The following UGT3A1 variants were observed in gnomAD, a reference collection of about 807,000 sequenced individuals.
UGT3A1 encodes UDP glycosyltransferase family 3 member A1, also known as UDP-glycosyltransferase 3A1.
In UGT3A1, 40 loss-of-function variants were observed where a neutral mutation model predicts 37.6. That is an observed-to-expected ratio of 1.06 (90% CI 0.83 to 1.38). The LOEUF (loss-of-function observed/expected upper bound fraction) is 1.38. UGT3A1 is among the 40% of genes most tolerant of loss of function. The pLI, the probability that UGT3A1 is intolerant of heterozygous loss-of-function variation, is 0.00. For synonymous variants in UGT3A1, 256 were observed against 232.3 expected (o/e 1.10, Z -0.93); for missense variants, 642 against 634.2 (o/e 1.01, Z -0.13).
intron 2 of UGT3A1, among the ~76,000 whole-genome samples, chr5:35,980,037 A>G (rs1445895): frequency 0.51 from 77,951 of 152,120 alleles, 22,800 homozygotes; most frequent in Non-Finnish European, 0.66. Context: ...TCCACAACAT[A>G]TGGGAATTCA....
rs541198390 is a variant in UGT3A1, at chr5:35,988,166, G to A, written c.196+284C>T. On this transcript the variant is annotated intron_variant, in intron 2 of 6. Coordinates refer to ENST00000274278, the MANE Select transcript of UGT3A1 (RefSeq NM_152404.4). The stretch of plus-strand genomic sequence containing the variant: ...AAAAAACTTTAAGCCATACCATTGT[G>A]TAGTATTCCTCAAAATAATTAATAA... 3.3e-5 allele frequency among the ~76,000 whole-genome samples: 5 copies of A among 152,308 alleles called. No individual in the cohort carries two copies. In the South Asian group the frequency reaches 1.0e-3, roughly 32 times the overall value.
chr5:35,964,786 T>C (rs985223012), intron 4 of UGT3A1, among the ~76,000 whole-genome samples: 1 of 152,222 alleles, frequency 6.6e-6, no homozygotes, highest in African/African-American at 2.4e-5. Flanking sequence ...AAATCTTCTA[T>C]AGCAGTGGTT....
rs1333842223 is a variant in UGT3A1, at chr5:35,953,322, A to T, written c.*880T>A. The T allele has an allele frequency of 6.6e-6, 1 of 152,408 alleles. No individual in the cohort carries two copies. The highest frequency in any genetic ancestry group is 2.4e-5 in the African/African-American group (1 of 41,472). The allele number at this position is 152,408 out of a possible 1,614,324, so 9.4% of individuals were successfully genotyped here. ...CTACCTTCGGGCTTTATCAAGAAAG[A>T]TGAAACAAATGAACAAAAACTCTGG... On this transcript the variant is annotated 3_prime_UTR_variant, in exon 7 of 7. Coordinates refer to ENST00000274278, the MANE Select transcript of UGT3A1 (RefSeq NM_152404.4).
In UGT3A1 at chr5:35,970,418, G is replaced by A. The variant is rs576445408; in HGVS notation, c.197-2285C>T. ...AAAAAAAAAAAAGCCATCAGATCTC[G>A]TAAGACTTATTCCCTATCACAAGAA... On this transcript the variant is annotated intron_variant, in intron 2 of 6. Coordinates refer to ENST00000274278, the MANE Select transcript of UGT3A1 (RefSeq NM_152404.4). Among the ~76,000 whole-genome samples the A allele has an allele frequency of 1.3e-3, 194 of 149,256 alleles. 1 individual carries two copies. The highest frequency in any genetic ancestry group is 1.8e-3 in the African/African-American group (73 of 40,714).
Position 35,988,552 on chromosome 5 carries a change from C to T in UGT3A1, c.95-1G>A. The T allele has an allele frequency of 6.2e-7, 1 of 1,607,154 alleles. No homozygotes were observed. Among genetic ancestry groups the T allele is most frequent in the Non-Finnish European group, 8.5e-7 (1 of 1,175,684 alleles). The stretch of plus-strand genomic sequence containing the variant: ...TCCAACAGTAGGTAATGGCTTCCAC[C>T]TAGAAACAATGCACAATGTCTTTTG... On this transcript the variant is annotated splice_acceptor_variant, in intron 1 of 6. Coordinates refer to ENST00000274278, the MANE Select transcript of UGT3A1 (RefSeq NM_152404.4). LOFTEE classifies it high-confidence loss of function.
At chr5:35,955,467 C>T (rs1739315216) in intron 6 of UGT3A1, 178 bp downstream of exon 6, 1 of 701,260 alleles carries the variant, frequency 1.4e-6, no homozygotes, top group Non-Finnish European at 2.4e-6. Flanking sequence ...CAGCATCTAA[C>T]CTAAATTAGT....
At position 35,968,049 on chromosome 5, in the gene UGT3A1, T is replaced by G; in HGVS notation, c.281A>C (p.Asp94Ala). 1 of 1,612,890 alleles carries G rather than the reference T, an allele frequency of 6.2e-7. No individual in the cohort carries two copies. The highest frequency in any genetic ancestry group is 1.1e-5 in the South Asian group (1 of 91,022). The change falls in exon 3 of 7, where the codon GAT becomes GCT. Residue 94 changes from aspartate to alanine, a missense_variant. Asp to Ala is a moderately radical substitution (Grantham distance 126). Coordinates refer to ENST00000274278, the MANE Select transcript of UGT3A1 (RefSeq NM_152404.4). ...ATCCAATGCTGTTTCTATGTAGCTA[T>G]CAAAATGCTTCTTAATTCTTTTTTG... ...DHQKRIKKHF[D>A]SYIETALDGR...
upstream of UGT3A1, among the ~76,000 whole-genome samples, chr5:35,992,157 C>A (rs1341041064): frequency 6.6e-6 from 1 of 152,204 alleles, no homozygotes; most frequent in African/African-American, 2.4e-5. Flanking sequence ...TATCTACCGG[C>A]TGTAATAGGC....
intron 2 of UGT3A1, among the ~76,000 whole-genome samples, chr5:35,982,981 T>C (rs1056730075): frequency 6.6e-6 from 1 of 152,160 alleles, no homozygotes; most frequent in Non-Finnish European, 1.5e-5. Context: ...TCCACCCTGG[T>C]AAGATGTGCT....
chr5:35,999,335 A>C (rs544081925), intron 1 of UGT3A1, among the ~76,000 whole-genome samples: 11 of 152,246 alleles, frequency 7.2e-5, no homozygotes, highest in Admixed American at 2.0e-4. Flanking sequence ...GTCACTCAAA[A>C]CTAGACTCCA....
intron 2 of UGT3A1, among the ~76,000 whole-genome samples, chr5:35,982,658 T>C (rs950288340): frequency 3.3e-5 from 5 of 152,242 alleles, no homozygotes; most frequent in African/African-American, 9.6e-5. Flanking sequence ...TTTGGACTTG[T>C]ACTTTTGAAT....
At chr5:35,955,016 G>C (rs1328661188) in intron 6 of UGT3A1, 2 of 159,320 alleles carry the variant, frequency 1.3e-5, no homozygotes, top group African/African-American at 4.8e-5. Flanking sequence ...AAAAGAGAGA[G>C]ACATTGCTGT....
At chr5:35,987,045 G>A (rs1438671163) in intron 2 of UGT3A1, among the ~76,000 whole-genome samples, 5 of 152,018 alleles carry the variant, frequency 3.3e-5, no homozygotes, top group African/African-American at 1.2e-4. Context: ...TATCCTATAC[G>A]TGAGATTTCA....
chr5:35,974,813 G>A (rs1247168759), intron 2 of UGT3A1, among the ~76,000 whole-genome samples: 1 of 152,094 alleles, frequency 6.6e-6, no homozygotes, highest in Non-Finnish European at 1.5e-5. Flanking sequence ...CTAACCTCAA[G>A]GATACATCAA....
intron 4 of UGT3A1, chr5:35,962,611 T>C (rs1300649074): frequency 5.0e-6 from 2 of 400,670 alleles, no homozygotes; most frequent in East Asian, 9.5e-5. Flanking sequence ...TCAGCAAAGA[T>C]CTAGATTTCC....
At chr5:35,983,869 A>C (rs1341838317) in intron 2 of UGT3A1, among the ~76,000 whole-genome samples, 1 of 152,100 alleles carries the variant, frequency 6.6e-6, no homozygotes, top group Non-Finnish European at 1.5e-5. Context: ...TTAAAAAAAA[A>C]CCCTCAACAA....
chr5:35,991,704 C>A (rs1350500973), upstream of UGT3A1: 1 of 930,690 alleles, frequency 1.1e-6, no homozygotes, highest in Non-Finnish European at 1.3e-6. Context: ...GTGCCATCTC[C>A]ATGCCCCCAT....
At chr5:35,957,131 G>A in intron 5 of UGT3A1, 57 bp downstream of exon 5, 1 of 1,478,828 alleles carries the variant, frequency 6.8e-7, no homozygotes, top group Non-Finnish European at 9.4e-7. Flanking sequence ...TCAGAACACT[G>A]ACGAGCACCA....
chr5:35,975,378 G>A (rs1740223762), intron 2 of UGT3A1, among the ~76,000 whole-genome samples: 2 of 152,134 alleles, frequency 1.3e-5, no homozygotes, highest in Admixed American at 6.5e-5. Context: ...GATTACATTG[G>A]ACCAATTCCA....
Sources: gnomAD v4.1 joint callset for allele counts (sites outside exome capture counted in the v4.1 genomes callset) on GRCh38, gnomAD v4.1.1 for gene constraint, MANE v1.5 for transcripts, NCBI Gene and HGNC (gene_info 2026-07-23, HGNC 2026-07-21) for gene names.